P2RX5: variants seen among roughly 807,000 people sequenced by gnomAD.
P2RX5 encodes purinergic receptor P2X 5, also known as P2X purinoceptor 5.
P2RX5 carries 46 observed loss-of-function variants against 54.1 expected under a neutral mutation model. That is an observed-to-expected ratio of 0.85 (90% CI 0.67 to 1.09). The LOEUF (loss-of-function observed/expected upper bound fraction) is 1.09, where lower values mean the gene tolerates loss of function less well. Ranked by LOEUF, P2RX5 falls within the 50% of genes least tolerant of loss-of-function variation. P2RX5 has a pLI of 0.00. For missense variants in P2RX5, 566 were observed against 549.8 expected, an observed-to-expected ratio of 1.03 and a Z score of -0.29; for synonymous variants, 226 against 226.4, an observed-to-expected ratio of 1.00 and a Z score of 0.02.
chr17:3,673,823 A>G lies in P2RX5; in HGVS notation c.*45T>C, dbSNP rs2142993553. 1 of 1,612,646 alleles carries G rather than the reference A, an allele frequency of 6.2e-7. No individual in the cohort carries two copies. Among genetic ancestry groups the G allele is most frequent in the Non-Finnish European group, 8.5e-7 (1 of 1,179,996 alleles). The stretch of plus-strand genomic sequence containing the variant: ...CAAAGGCATGGGATCACTGGGTGCT[A>G]GACGGCTGGGTTTAGGACAGGGCCT... On this transcript the variant is annotated 3_prime_UTR_variant, in exon 12 of 12. Coordinates refer to ENST00000225328, the MANE Select transcript of P2RX5 (RefSeq NM_002561.4).
intron 11 of P2RX5, chr17:3,677,287 G>A (rs915046286): frequency 2.1e-5 from 21 of 985,246 alleles, no homozygotes; most frequent in Middle Eastern, 5.2e-4. Flanking sequence ...GCAGGAGCTC[G>A]GCAGGGTCAA....
rs367753872 is a variant in P2RX5, at chr17:3,696,044, C to A, written c.-39G>T. ...CCGGGCTTGCGGACCGCCCGGCCCA[C>A]GTGCGCTCATGGGGAGCACTCGGTC... On this transcript the variant is annotated 5_prime_UTR_variant, in exon 1 of 12. Transcript: ENST00000225328. 1 of 1,610,204 alleles carries A rather than the reference C, an allele frequency of 6.2e-7. No homozygotes were observed. Among genetic ancestry groups the A allele is most frequent in the East Asian group, 2.2e-5 (1 of 44,748 alleles).
chr17:3,696,194 G>A, upstream of P2RX5: 1 of 424,616 alleles, frequency 2.4e-6, no homozygotes, highest in Non-Finnish European at 3.8e-6. Flanking sequence ...TGACGCGGTT[G>A]AGAAAGCCTC....
intron 6 of P2RX5, among the ~76,000 whole-genome samples, 190 bp downstream of exon 6, chr17:3,689,878 ACG>A (rs1424377865): frequency 1.3e-5 from 2 of 149,732 alleles, no homozygotes; most frequent in Non-Finnish European, 2.9e-5. Flanking sequence ...ACGCGAACAC[ACG>A]CACACACACA....
rs2050034914 is a variant in P2RX5, at chr17:3,673,735, T to G, written c.*133A>C. The G allele has an allele frequency of 6.2e-7, 1 of 1,604,154 alleles. No individual in the cohort carries two copies. The highest frequency in any genetic ancestry group is 1.7e-5 in the Admixed American group (1 of 59,324). ...ACTTTGCTCTGTGATGGCTGGTCCC[T>G]GTGATGTGGCATTGATAGCACCCAA... On this transcript the variant is annotated 3_prime_UTR_variant, in exon 12 of 12. Transcript: ENST00000225328.
At chr17:3,714,645 A>G in the P2RX5 span, 1 of 441,958 alleles carries the variant, frequency 2.3e-6, no homozygotes, top group Non-Finnish European at 4.0e-6. Context: ...AAAAGTGTAA[A>G]TTTATTTAAT....
At position 3,683,586 on chromosome 17, in the gene P2RX5, C is replaced by A. The variant is rs972104430; in HGVS notation, c.982-1608G>T. Among the ~76,000 whole-genome samples, 6 of 152,082 alleles carry A rather than the reference C, an allele frequency of 3.9e-5. No individual in the cohort carries two copies. In the East Asian group the frequency reaches 7.7e-4, roughly 20 times the overall value. ...TCTCTACAAAAATACGAAAATTAAC[C>A]GGGCGCGGTGGCGCACGCCTGTAAT... is the stretch of plus-strand genomic sequence containing the variant. On this transcript the variant is annotated intron_variant, in intron 9 of 11. Coordinates refer to ENST00000225328, the MANE Select transcript of P2RX5 (RefSeq NM_002561.4).
chr17:3,705,583 G>A, the P2RX5 span, among the ~76,000 whole-genome samples: 17 of 151,974 alleles, frequency 1.1e-4, no homozygotes, highest in African/African-American at 3.4e-4. Flanking sequence ...TTTCTCCCTC[G>A]CTGTCACAGT....
chr17:3,701,155 T>C (rs1397223294), upstream of P2RX5, among the ~76,000 whole-genome samples: 3 of 152,236 alleles, frequency 2.0e-5, no homozygotes, highest in Non-Finnish European at 4.4e-5. Context: ...TGTCCAACCC[T>C]AGGCACAAGG....
the P2RX5 span, chr17:3,720,672 C>A: frequency 3.9e-6 from 1 of 258,620 alleles, no homozygotes; most frequent in Non-Finnish European, 7.5e-6. Flanking sequence ...ACCTCCACCC[C>A]GTCAGGTTCA....
rs751520881 is a variant in P2RX5 at position 3,688,613 on chromosome 17, AG to A, written c.887+12del. ...CATGGTCAGGTCACAAGTGGGCACAAGGCAGCGGTTACCTGAAGTTGTACCC... is the reference window on the plus strand; with the variant it reads ...CATGGTCAGGTCACAAGTGGGCACAAGCAGCGGTTACCTGAAGTTGTACCC... On this transcript the variant is annotated intron_variant, in intron 8 of 11. Coordinates refer to ENST00000225328, the MANE Select transcript of P2RX5 (RefSeq NM_002561.4). The A allele has an allele frequency of 2.5e-6, 4 of 1,613,964 alleles. No homozygotes were observed. Among genetic ancestry groups the A allele is most frequent in the Non-Finnish European group, 2.5e-6 (3 of 1,179,978 alleles).
intron 7 of P2RX5, among the ~76,000 whole-genome samples, chr17:3,688,975 A>T (rs1262770135): frequency 6.6e-6 from 1 of 152,188 alleles, no homozygotes; most frequent in East Asian, 1.9e-4. Flanking sequence ...TTCTTCAGGG[A>T]GAAGGGAGCC....
At chr17:3,720,577 C>A in the P2RX5 span, 6 of 421,872 alleles carry the variant, frequency 1.4e-5, no homozygotes, top group Non-Finnish European at 1.2e-5. Context: ...AGTTATTCTT[C>A]AACTTCCTTT....
At chr17:3,678,345 A>C (rs1479694384) in intron 11 of P2RX5, among the ~76,000 whole-genome samples, 2 of 152,254 alleles carry the variant, frequency 1.3e-5, no homozygotes, top group African/African-American at 4.8e-5. Flanking sequence ...GGCAAGGAGT[A>C]GCAGCAATTG....
At chr17:3,676,736 TAGC>T in intron 11 of P2RX5, 1 of 224,872 alleles carries the variant, frequency 4.4e-6, no homozygotes, top group Non-Finnish European at 7.5e-6. Flanking sequence ...CCTGCATTTC[TAGC>T]AGGCTCCGGT....
Position 3,679,629 on chromosome 17 carries a change from C to T in P2RX5, c.1220G>A (p.Gly407Glu). 6.2e-7 allele frequency: 1 copy of T among 1,609,388 alleles called. No individual in the cohort carries two copies. The highest frequency in any genetic ancestry group is 8.5e-7 in the Non-Finnish European group (1 of 1,179,828). Residue 407 changes from glycine to glutamate, a missense_variant, in exon 11 of 12, where the codon GGG (glycine) becomes GAG (glutamate). Coordinates refer to ENST00000225328, the MANE Select transcript of P2RX5 (RefSeq NM_002561.4). ...GAGCTGTGGGCACACAGATCCGTTC[C>T]CCTTCTGACTGCTGCTTCCACGCTT... is the stretch of plus-strand genomic sequence containing the variant. Reference protein sequence around the residue: ...EAKRGSSSQKGNGSVCPQLLE... With the variant: ...EAKRGSSSQKENGSVCPQLLE...
intron 10 of P2RX5, 110 bp downstream of exon 10, chr17:3,681,786 G>A (rs1408285585): frequency 6.4e-6 from 5 of 780,134 alleles, no homozygotes; most frequent in Non-Finnish European, 1.1e-5. Flanking sequence ...GGGCCCTCCA[G>A]CCCCTGCCTC....
chr17:3,714,896 A>G, the P2RX5 span: 1 of 1,611,566 alleles, frequency 6.2e-7, no homozygotes, highest in Non-Finnish European at 8.5e-7. Flanking sequence ...GGCCTTCCTG[A>G]TGCTCTCCAA....
At chr17:3,690,906 C>T in intron 3 of P2RX5, 50 bp downstream of exon 3, 1 of 1,511,742 alleles carries the variant, frequency 6.6e-7, no homozygotes, top group South Asian at 1.1e-5. Context: ...ACCCCAACCA[C>T]TGCCGGTGGC....
Sources: allele counts gnomAD v4.1 joint callset (sites outside exome capture counted in the v4.1 genomes callset), GRCh38; gene constraint gnomAD v4.1.1; transcripts MANE v1.5; gene names NCBI Gene and HGNC (gene_info 2026-07-23, HGNC 2026-07-21).